The following CPED1 variants were observed in gnomAD, a reference collection of about 807,000 sequenced individuals.
CPED1 encodes the protein cadherin like and PC-esterase domain containing 1.
CPED1 carries 114 observed loss-of-function variants against 128.2 expected under a neutral mutation model. The ratio of observed to expected loss-of-function variants is 0.89; its 90% confidence interval spans 0.76 to 1.04. The LOEUF is 1.04. CPED1 is among the 50% of genes least tolerant of loss of function. The pLI is 0.00. For synonymous variants in CPED1, 462 were observed against 426.7 expected, an observed-to-expected ratio of 1.08 and a Z score of -1.02; for missense variants, 1,211 against 1,207.1, an observed-to-expected ratio of 1.00 and a Z score of -0.05.
At chr7:121,219,247 G>A (rs2116616611) in intron 16 of CPED1, among the ~76,000 whole-genome samples, 1 of 152,040 alleles carries the variant, frequency 6.6e-6, no homozygotes, top group African/African-American at 2.4e-5. Flanking sequence ...CTCACTGGAA[G>A]TGGGTAGCAT....
At chr7:121,126,527 G>C (rs190160412) in intron 9 of CPED1, among the ~76,000 whole-genome samples, 34 of 151,914 alleles carry the variant, frequency 2.2e-4, no homozygotes, top group African/African-American at 8.2e-4. Context: ...TGGAATACAG[G>C]GTGGGAAAAA....
intron 16 of CPED1, among the ~76,000 whole-genome samples, chr7:121,170,972 C>T (rs1199127727): frequency 2.6e-5 from 4 of 151,868 alleles, no homozygotes; most frequent in Admixed American, 2.0e-4. Context: ...ATCGCTTGAA[C>T]CTGGGAGGCA....
intron 18 of CPED1, 60 bp downstream of exon 18, chr7:121,244,398 C>A: frequency 1.3e-6 from 2 of 1,582,342 alleles, no homozygotes; most frequent in South Asian, 1.1e-5. Flanking sequence ...TACTAAAAAT[C>A]GTATAGTTGT....
intron 4 of CPED1, among the ~76,000 whole-genome samples, chr7:121,048,048 A>G (rs1449492123): frequency 6.6e-6 from 1 of 152,084 alleles, no homozygotes. Context: ...GACTCCATGT[A>G]CATTTCTGGC....
At chr7:121,160,289 G>A (rs1796384838) in intron 16 of CPED1, among the ~76,000 whole-genome samples, 1 of 152,070 alleles carries the variant, frequency 6.6e-6, no homozygotes, top group Admixed American at 6.6e-5. Flanking sequence ...TGTGCATGAA[G>A]GTTGTATGAG....
intron 16 of CPED1, among the ~76,000 whole-genome samples, chr7:121,225,031 T>G (rs1159472048): frequency 6.6e-6 from 1 of 152,104 alleles, no homozygotes; most frequent in Non-Finnish European, 1.5e-5. Context: ...GTTAGCTGGT[T>G]ATTTTGCCTG....
At chr7:121,037,801 T>C (rs76448000) in intron 3 of CPED1, among the ~76,000 whole-genome samples, 1 of 152,344 alleles carries the variant, frequency 6.6e-6, no homozygotes, top group South Asian at 2.1e-4. Context: ...TTATGTCATC[T>C]ATGATTTCTT....
chr7:121,280,141 C>T (rs188011967), intron 22 of CPED1, among the ~76,000 whole-genome samples: 102 of 152,242 alleles, frequency 6.7e-4, no homozygotes, highest in African/African-American at 2.4e-3. Flanking sequence ...TGTGTGTTAA[C>T]GTCCAATAGA....
At chr7:121,191,565 GGT>G (rs1396234447) in intron 16 of CPED1, among the ~76,000 whole-genome samples, 1 of 152,034 alleles carries the variant, frequency 6.6e-6, no homozygotes, top group Non-Finnish European at 1.5e-5. Flanking sequence ...ATCCTTCTGG[GGT>G]GGTGGAATGC....
At chr7:121,136,744 C>T (rs971492967) in intron 14 of CPED1, among the ~76,000 whole-genome samples, 2 of 151,986 alleles carry the variant, frequency 1.3e-5, no homozygotes, top group Non-Finnish European at 2.9e-5. Flanking sequence ...CTGTTCAAAG[C>T]TCCTGAATTT....
At chr7:121,200,300 T>G (rs989314291) in intron 16 of CPED1, among the ~76,000 whole-genome samples, 1 of 152,120 alleles carries the variant, frequency 6.6e-6, no homozygotes, top group Non-Finnish European at 1.5e-5. Context: ...TAAAGAAATT[T>G]TCTCCAGCCT....
At chr7:121,055,419 A>G (rs1793469516) in intron 4 of CPED1, among the ~76,000 whole-genome samples, 1 of 151,900 alleles carries the variant, frequency 6.6e-6, no homozygotes, top group Non-Finnish European at 1.5e-5. Flanking sequence ...TAATTTTTTA[A>G]TCTTTCTGTA....
At chr7:121,097,949 A>G (rs1430067991) in intron 6 of CPED1, 118 bp downstream of exon 6, 15 of 995,578 alleles carry the variant, frequency 1.5e-5, no homozygotes, top group Non-Finnish European at 8.5e-6. Flanking sequence ...TTTCTCTTAC[A>G]TAAATTTTCA....
At chr7:121,099,239 T>C (rs142956741) in intron 6 of CPED1, among the ~76,000 whole-genome samples, 56 of 152,220 alleles carry the variant, frequency 3.7e-4, no homozygotes, top group African/African-American at 1.2e-3. Flanking sequence ...CAAACTGTAA[T>C]TTATATCACT....
rs17143130 is a variant in CPED1 at position 121,033,702 on chromosome 7, A to G, written c.434-13185A>G. On this transcript the variant is annotated intron_variant, in intron 3 of 22. Coordinates refer to ENST00000310396, the MANE Select transcript of CPED1 (RefSeq NM_024913.5). ...CACAGTAATGTTATGGTTGGGTTCA[A>G]TAAATCTCCAAAGATTGTTGAAAAT... Among the ~76,000 whole-genome samples, 64 of 152,348 alleles carry G rather than the reference A, an allele frequency of 4.2e-4. No individual in the cohort carries two copies. The East Asian group carries it at 0.012, about 28-fold the overall frequency.
chr7:121,050,619 A>G (rs1793325288), intron 4 of CPED1, among the ~76,000 whole-genome samples: 2 of 152,080 alleles, frequency 1.3e-5, no homozygotes. Context: ...GTCTGCCACC[A>G]CACCCAGCTA....
chr7:121,278,140 C>T (rs1351885872), intron 22 of CPED1, among the ~76,000 whole-genome samples: 2 of 152,054 alleles, frequency 1.3e-5, no homozygotes, highest in Admixed American at 1.3e-4. Flanking sequence ...CTCATAATAG[C>T]TTTCAACAAA....
chr7:121,130,174 A>G lies in CPED1; in HGVS notation c.1457A>G (p.Tyr486Cys), dbSNP rs111428171. The change falls in exon 12 of 23, where the codon TAT becomes TGT. Residue 486 changes from tyrosine to cysteine, a missense_variant. Coordinates refer to ENST00000310396, the MANE Select transcript of CPED1 (RefSeq NM_024913.5). ...ATTCAGTCACTGATGCATGAATTTT[A>G]TGATGTGGCAAATCCTGTGGGAAAT... is the stretch of plus-strand genomic sequence containing the variant. ...PGIQSLMHEF[Y>C]DVANPVGNPG... 1 of 1,613,112 alleles carries G rather than the reference A, an allele frequency of 6.2e-7. No homozygotes were observed. Among genetic ancestry groups the G allele is most frequent in the Non-Finnish European group, 8.5e-7 (1 of 1,179,310 alleles).
intron 14 of CPED1, among the ~76,000 whole-genome samples, chr7:121,136,560 C>T (rs898958381): frequency 2.6e-5 from 4 of 152,022 alleles, no homozygotes; most frequent in East Asian, 1.9e-4. Flanking sequence ...ATACGAGAAA[C>T]GTAAGTACTT....
Sources: allele counts gnomAD v4.1 joint callset (sites outside exome capture counted in the v4.1 genomes callset), GRCh38; gene constraint gnomAD v4.1.1; transcripts MANE v1.5; gene names NCBI Gene and HGNC (gene_info 2026-07-23, HGNC 2026-07-21).